The following MAP2K1 variants were observed in gnomAD, a reference collection of about 807,000 sequenced individuals.
MAP2K1 encodes mitogen-activated protein kinase kinase 1.
In MAP2K1, 16 loss-of-function variants were observed where a neutral mutation model predicts 46.3. The observed-to-expected ratio is 0.35, with a 90% CI of 0.23 to 0.52. The LOEUF is 0.52. Among genes scored for constraint, MAP2K1 ranks in the 20% least tolerant of loss-of-function variants. The probability of loss-of-function intolerance (pLI) is 0.94; values close to 1 mark genes in which losing one functional copy is unlikely to be tolerated. For missense variants in MAP2K1, 263 were observed against 497.1 expected, an observed-to-expected ratio of 0.53 and a Z score of 4.48; for synonymous variants, 183 against 185.6, an observed-to-expected ratio of 0.99 and a Z score of 0.11.
intron 5 of MAP2K1, among the ~76,000 whole-genome samples, chr15:66,454,776 G>C (rs569503686): frequency 1.3e-5 from 2 of 152,020 alleles, no homozygotes; most frequent in African/African-American, 4.8e-5. Context: ...CCAGCTGCTC[G>C]GGAGGCTGAG....
At chr15:66,397,535 C>T (rs8040792) in intron 1 of MAP2K1, among the ~76,000 whole-genome samples, 2,322 of 152,186 alleles carry the variant, frequency 0.015, 62 homozygotes, top group African/African-American at 0.053. Flanking sequence ...TTAATGATGC[C>T]GGCTTTTGAT....
chr15:66,427,308 C>T (rs1385848637), intron 1 of MAP2K1, among the ~76,000 whole-genome samples: 1 of 151,998 alleles, frequency 6.6e-6, no homozygotes, highest in Non-Finnish European at 1.5e-5. Flanking sequence ...GCCTGTAATC[C>T]CAGCACTTTA....
Position 66,435,054 on chromosome 15 carries a change from G to C in MAP2K1, c.108G>C (p.Lys36Asn), listed in dbSNP as rs1269147448. 6.2e-7 allele frequency: 1 copy of C among 1,614,148 alleles called. No individual in the cohort carries two copies. The highest frequency in any genetic ancestry group is 2.2e-5 in the East Asian group (1 of 44,888). ...AETNLEALQK[K>N]LEELELDEQQ... ...CCAACTTGGAGGCCTTGCAGAAGAA[G>C]CTGGAGGAGCTAGAGCTTGATGAGC... is the stretch of plus-strand genomic sequence containing the variant. The change falls in exon 2 of 11, where the codon AAG becomes AAC. Residue 36 changes from lysine to asparagine, a missense_variant. Around this residue, in one of 4 missense-constraint regions of MAP2K1, gnomAD observed 103 missense variants for 221.6 expected, o/e 0.46. Transcript: ENST00000307102.
chr15:66,474,652 C>G (rs980687028), intron 5 of MAP2K1, among the ~76,000 whole-genome samples: 1 of 152,028 alleles, frequency 6.6e-6, no homozygotes, highest in Non-Finnish European at 1.5e-5. Flanking sequence ...CTGGAGAGAA[C>G]GCTCCCTCAG....
At chr15:66,475,369 T>A (rs1263870852) in intron 5 of MAP2K1, among the ~76,000 whole-genome samples, 5 of 152,218 alleles carry the variant, frequency 3.3e-5, no homozygotes, top group Non-Finnish European at 5.9e-5. Flanking sequence ...ATCCTTTAAC[T>A]GTTGCTTATC....
chr15:66,391,710 T>C (rs1443753244), intron 1 of MAP2K1, among the ~76,000 whole-genome samples: 1 of 152,230 alleles, frequency 6.6e-6, no homozygotes, highest in Non-Finnish European at 1.5e-5. Flanking sequence ...TAAACCTTTT[T>C]ATGTCTTTTC....
intron 5 of MAP2K1, among the ~76,000 whole-genome samples, chr15:66,468,557 T>C (rs1457561880): frequency 6.6e-6 from 1 of 152,230 alleles, no homozygotes; most frequent in Non-Finnish European, 1.5e-5. Flanking sequence ...CTATCTTAAC[T>C]GGATCTCTGA....
chr15:66,440,528 G>A (rs1427388803), intron 3 of MAP2K1, among the ~76,000 whole-genome samples: 1 of 152,210 alleles, frequency 6.6e-6, no homozygotes, highest in East Asian at 1.9e-4. Context: ...GAGACCCAAG[G>A]AGGGAAATTG....
intron 1 of MAP2K1, among the ~76,000 whole-genome samples, chr15:66,403,507 C>G (rs542326874): frequency 6.6e-6 from 1 of 151,922 alleles, no homozygotes; most frequent in Non-Finnish European, 1.5e-5. Flanking sequence ...CGAAAGTCCC[C>G]TTGAAATGGA....
At chr15:66,479,836 T>C (rs1177125267) in intron 5 of MAP2K1, among the ~76,000 whole-genome samples, 1 of 152,100 alleles carries the variant, frequency 6.6e-6, no homozygotes, top group Non-Finnish European at 1.5e-5. Context: ...AGGCTGAAGA[T>C]GAAGAGGGGC....
intron 5 of MAP2K1, among the ~76,000 whole-genome samples, chr15:66,457,535 T>G (rs1472784786): frequency 6.6e-6 from 1 of 152,222 alleles, no homozygotes; most frequent in Non-Finnish European, 1.5e-5. Flanking sequence ...TAGTTACTTG[T>G]GAAAGAGATG....
chr15:66,411,167 A>G (rs2093410492), intron 1 of MAP2K1, among the ~76,000 whole-genome samples: 1 of 152,132 alleles, frequency 6.6e-6, no homozygotes, highest in South Asian at 2.1e-4. Flanking sequence ...TGGGACCAAG[A>G]AATGCGAATC....
intron 1 of MAP2K1, among the ~76,000 whole-genome samples, chr15:66,404,442 T>G (rs1354509174): frequency 1.3e-5 from 2 of 152,366 alleles, no homozygotes; most frequent in Admixed American, 1.3e-4. Flanking sequence ...CTTCAATATT[T>G]ACTGGAATAC....
chr15:66,387,228 C>A lies in MAP2K1; in HGVS notation c.-120C>A, dbSNP rs534948137. 6 of 773,954 alleles carry A rather than the reference C, an allele frequency of 7.8e-6. No homozygotes were observed. Among genetic ancestry groups the A allele is most frequent in the Non-Finnish European group, 6.0e-6 (3 of 497,210 alleles). 47.9% of individuals were successfully genotyped at this position (773,954 alleles called of 1,614,324 possible). A position where few individuals can be genotyped will look rare whatever the true frequency, so the allele number is the denominator to read the frequency against. On this transcript the variant is annotated 5_prime_UTR_variant, in exon 1 of 11. Transcript: ENST00000307102. ...CCGCGCGGGGCGCACCCGCTGAAGG[C>A]AGCCCCGGGGCCCGCGGCCCGGACT...
intron 1 of MAP2K1, among the ~76,000 whole-genome samples, chr15:66,427,683 C>A (rs1249750284): frequency 6.6e-6 from 1 of 151,958 alleles, no homozygotes; most frequent in Non-Finnish European, 1.5e-5. Flanking sequence ...ACTGTTAGCC[C>A]CATTTTACTG....
At chr15:66,426,922 G>A (rs1370502991) in intron 1 of MAP2K1, among the ~76,000 whole-genome samples, 2 of 152,180 alleles carry the variant, frequency 1.3e-5, no homozygotes, top group Non-Finnish European at 1.5e-5. Flanking sequence ...AAGCATAGTG[G>A]TTAGCTTCTC....
intron 1 of MAP2K1, among the ~76,000 whole-genome samples, chr15:66,405,708 A>C (rs1369444511): frequency 3.9e-5 from 6 of 152,176 alleles, no homozygotes; most frequent in African/African-American, 1.4e-4. Context: ...CTGGCCTTTA[A>C]ACTAGATTCT....
chr15:66,460,698 T>TA (rs1045849530), intron 5 of MAP2K1, among the ~76,000 whole-genome samples: 1 of 152,138 alleles, frequency 6.6e-6, no homozygotes, highest in Non-Finnish European at 1.5e-5. Context: ...ACTCTACTGT[T>TA]ACGGCTAAGG....
intron 1 of MAP2K1, among the ~76,000 whole-genome samples, chr15:66,393,481 C>T (rs2093361350): frequency 6.6e-6 from 1 of 152,160 alleles, no homozygotes; most frequent in Non-Finnish European, 1.5e-5. Flanking sequence ...GGCTATTAAT[C>T]TCTTTCTTTA....
Sources: allele counts gnomAD v4.1 joint callset (sites outside exome capture counted in the v4.1 genomes callset), GRCh38; gene constraint gnomAD v4.1.1; regional missense constraint gnomAD v4.1.1; transcripts MANE v1.5; gene names NCBI Gene and HGNC (gene_info 2026-07-23, HGNC 2026-07-21).